CCDC148: variants seen among roughly 807,000 people sequenced by gnomAD.
CCDC148 encodes coiled-coil domain containing 148, also known as coiled-coil domain-containing protein 148.
CCDC148 carries 89 observed loss-of-function variants against 85.7 expected under a neutral mutation model. The observed-to-expected ratio is 1.04, with a 90% CI of 0.87 to 1.24. CCDC148 has a LOEUF of 1.24. Among genes scored for constraint, CCDC148 ranks in the 50% most tolerant of loss-of-function variants. The pLI is 0.00. For missense variants in CCDC148, 692 were observed against 671.7 expected, an observed-to-expected ratio of 1.03 and a Z score of -0.33; for synonymous variants, 230 against 213.9, an observed-to-expected ratio of 1.08 and a Z score of -0.66.
chr2:158,285,142 G>T (rs1690555411), intron 9 of CCDC148, among the ~76,000 whole-genome samples: 1 of 152,076 alleles, frequency 6.6e-6, no homozygotes. Context: ...ACAAAAATTA[G>T]CCAGGTATGG....
intron 1 of CCDC148, chr2:158,425,042 G>C (rs758977953): frequency 4.6e-6 from 2 of 434,176 alleles, no homozygotes; most frequent in Non-Finnish European, 9.2e-6. Context: ...GTGAATGAGG[G>C]GGCCCTAGGG....
chr2:158,363,199 G>A (rs1385237666), intron 1 of CCDC148, among the ~76,000 whole-genome samples: 2 of 152,122 alleles, frequency 1.3e-5, no homozygotes, highest in African/African-American at 4.8e-5. Context: ...AAAAGTCCAG[G>A]ACCAGATGGC....
At chr2:158,206,943 G>A (rs902361468) in intron 11 of CCDC148, among the ~76,000 whole-genome samples, 2 of 152,164 alleles carry the variant, frequency 1.3e-5, no homozygotes, top group African/African-American at 2.4e-5. Flanking sequence ...AACCATGTCA[G>A]TTGCTTTTAT....
intron 10 of CCDC148, among the ~76,000 whole-genome samples, chr2:158,222,916 C>T (rs952100507): frequency 6.6e-6 from 1 of 152,144 alleles, no homozygotes; most frequent in Non-Finnish European, 1.5e-5. Flanking sequence ...GTGATTTCTG[C>T]ATTTCCAACT....
At chr2:158,263,667 C>T (rs920394230) in intron 9 of CCDC148, among the ~76,000 whole-genome samples, 3 of 152,012 alleles carry the variant, frequency 2.0e-5, no homozygotes, top group African/African-American at 7.2e-5. Flanking sequence ...TACCAAACCC[C>T]AGAAATGACT....
chr2:158,216,660 A>G (rs1188276515), intron 11 of CCDC148, among the ~76,000 whole-genome samples: 1 of 152,112 alleles, frequency 6.6e-6, no homozygotes, highest in African/African-American at 2.4e-5. Flanking sequence ...AACAACAGAA[A>G]TTTATTTTCT....
chr2:158,249,090 T>C (rs1030461315), intron 10 of CCDC148, among the ~76,000 whole-genome samples: 1 of 152,110 alleles, frequency 6.6e-6, no homozygotes, highest in Non-Finnish European at 1.5e-5. Context: ...CCAAACTTAA[T>C]TGGCACAATT....
At chr2:158,223,255 C>A (rs1273287707) in intron 10 of CCDC148, among the ~76,000 whole-genome samples, 2 of 152,170 alleles carry the variant, frequency 1.3e-5, no homozygotes, top group Non-Finnish European at 2.9e-5. Context: ...TGCAAGGCAG[C>A]AGCGAGGCTG....
chr2:158,210,247 A>C (rs1332337278), intron 11 of CCDC148, among the ~76,000 whole-genome samples: 1 of 152,200 alleles, frequency 6.6e-6, no homozygotes, highest in African/African-American at 2.4e-5. Context: ...GTATCCAAGC[A>C]ACAAGAAGAG....
chr2:158,351,503 C>A (rs1400135119), intron 2 of CCDC148, among the ~76,000 whole-genome samples: 5 of 152,028 alleles, frequency 3.3e-5, no homozygotes, highest in African/African-American at 1.2e-4. Flanking sequence ...CACCTGAATA[C>A]TGCGCTTTTC....
chr2:158,277,902 T>C (rs1690036378), intron 9 of CCDC148, among the ~76,000 whole-genome samples: 1 of 152,126 alleles, frequency 6.6e-6, no homozygotes, highest in African/African-American at 2.4e-5. Flanking sequence ...ACAAAGAAAC[T>C]GAGGCTTAGA....
intron 9 of CCDC148, among the ~76,000 whole-genome samples, chr2:158,292,674 C>T (rs553665267): frequency 6.6e-6 from 1 of 152,250 alleles, no homozygotes; most frequent in Non-Finnish European, 1.5e-5. Context: ...GTTAGATCTG[C>T]CTTCTGAGTT....
chr2:158,350,090 A>C (rs1683184851), intron 2 of CCDC148, among the ~76,000 whole-genome samples: 1 of 152,202 alleles, frequency 6.6e-6, no homozygotes, highest in Non-Finnish European at 1.5e-5. Context: ...GTTATTTAAA[A>C]TGCCAGTTGA....
chr2:158,235,325 A>G (rs1688053696), intron 10 of CCDC148, among the ~76,000 whole-genome samples: 1 of 152,198 alleles, frequency 6.6e-6, no homozygotes, highest in South Asian at 2.1e-4. Context: ...AGAATCCTAC[A>G]TATATTCCTA....
chr2:158,189,344 C>A (rs1238385391), intron 11 of CCDC148, among the ~76,000 whole-genome samples: 47 of 151,874 alleles, frequency 3.1e-4, no homozygotes, highest in Non-Finnish European at 7.4e-5. Context: ...CTAGCAGACA[C>A]ATCTTCTATG....
intron 13 of CCDC148, among the ~76,000 whole-genome samples, 195 bp downstream of exon 13, chr2:158,176,326 G>C (rs960473586): frequency 6.6e-6 from 1 of 151,864 alleles, no homozygotes; most frequent in Non-Finnish European, 1.5e-5. Flanking sequence ...CTTGTTCTAT[G>C]GTAGCCTATT....
At chr2:158,274,252 G>A (rs560532481) in intron 9 of CCDC148, among the ~76,000 whole-genome samples, 4 of 152,080 alleles carry the variant, frequency 2.6e-5, no homozygotes, top group Admixed American at 6.6e-5. Context: ...CCCCAGAATC[G>A]GCAGTTTAAA....
rs145492550 is a variant in CCDC148 at position 158,312,169 on chromosome 2, T to G, written c.903+1587A>C. On this transcript the variant is annotated intron_variant, in intron 8 of 13. Transcript: ENST00000283233. ...ACTTTAGGTATAATTAGGTAAACAG[T>G]AAAACCACTTACTTGGTCTCACTTA... 1.7e-4 allele frequency among the ~76,000 whole-genome samples: 26 copies of G among 152,300 alleles called. 1 individual carries two copies. The East Asian group carries it at 3.7e-3, about 21-fold the overall frequency.
chr2:158,196,046 C>A (rs996698968), intron 11 of CCDC148, among the ~76,000 whole-genome samples: 6 of 152,102 alleles, frequency 3.9e-5, no homozygotes, highest in Admixed American at 3.3e-4. Flanking sequence ...CTGTAAACCC[C>A]AGTCATATGC....
Sources: allele counts gnomAD v4.1 joint callset (sites outside exome capture counted in the v4.1 genomes callset), GRCh38; gene constraint gnomAD v4.1.1; transcripts MANE v1.5; gene names NCBI Gene and HGNC (gene_info 2026-07-23, HGNC 2026-07-21).